HNRNPD: variants seen among roughly 807,000 people sequenced by gnomAD.
HNRNPD encodes heterogeneous nuclear ribonucleoprotein D, also known as heterogeneous nuclear ribonucleoprotein D0.
A neutral mutation model predicts 47.9 loss-of-function variants in HNRNPD; 3 were observed. The observed-to-expected ratio is 0.06, with a 90% confidence interval of 0.03 to 0.16. HNRNPD has a LOEUF of 0.16. HNRNPD is among the 10% of genes least tolerant of loss of function. The pLI is 1.00. For missense variants in HNRNPD, 287 were observed against 454.2 expected, an observed-to-expected ratio of 0.63 and a Z score of 3.35; for synonymous variants, 171 against 165.1, an observed-to-expected ratio of 1.04 and a Z score of -0.28.
Position 82,353,966 on chromosome 4 carries a change from A to G in HNRNPD, c.*219T>C, listed in dbSNP as rs1004927546. 1.3e-5 allele frequency: 2 copies of G among 152,826 alleles called. No individual in the cohort carries two copies. Among genetic ancestry groups the G allele is most frequent in the African/African-American group, 4.8e-5 (2 of 41,596 alleles). 9.5% of individuals were successfully genotyped at this position (152,826 alleles called of 1,614,324 possible). A position where few individuals can be genotyped will look rare whatever the true frequency, so the allele number is the denominator to read the frequency against. ...AAAACACAAATTGATTCTGAAGCAT[A>G]GCAATTAAGAAATAAAACAATGAAA... On this transcript the variant is annotated 3_prime_UTR_variant, in exon 9 of 9. Transcript: ENST00000313899.
chr4:82,358,325 C>T (rs1408023705), intron 4 of HNRNPD: 2 of 213,798 alleles, frequency 9.4e-6, no homozygotes, highest in African/African-American at 4.7e-5. Flanking sequence ...AGGCACTACA[C>T]CCTATTCTTA....
rs765323351 is a variant in HNRNPD at position 82,357,368 on chromosome 4, T to A, written c.698A>T (p.Glu233Val). The change falls in exon 5 of 9, where the codon GAA (glutamate) becomes GTA (valine). Residue 233 changes from glutamate (E) to valine (V), a missense_variant. Transcript: ENST00000313899. Reference protein sequence around the residue: ...RGFCFITFKEEEPVKKIMEKK... With the variant: ...RGFCFITFKEVEPVKKIMEKK... ...TTCCATTATCTTCTTCACTGGTTCTTCTTCCTTAAAGGTAATAAAGCAGAA... is the reference window on the plus strand; with the variant it reads ...TTCCATTATCTTCTTCACTGGTTCTACTTCCTTAAAGGTAATAAAGCAGAA... The A allele has an allele frequency of 6.2e-7, 1 of 1,613,508 alleles. No individual in the cohort carries two copies. Among genetic ancestry groups the A allele is most frequent in the Non-Finnish European group, 8.5e-7 (1 of 1,179,650 alleles).
chr4:82,369,985 A>C (rs368945203), intron 2 of HNRNPD, among the ~76,000 whole-genome samples: 4 of 152,188 alleles, frequency 2.6e-5, no homozygotes, highest in African/African-American at 9.7e-5. Flanking sequence ...TCTACTAAAA[A>C]TACAAAATTA....
chr4:82,355,231 T>C (rs962209797), intron 8 of HNRNPD, 73 bp downstream of exon 8: 2 of 824,882 alleles, frequency 2.4e-6, no homozygotes, highest in Admixed American at 4.8e-5. Context: ...AAATTAAGCA[T>C]TGTTTTATGA....
chr4:82,356,355 T>C (rs1723711826), intron 7 of HNRNPD, 182 bp downstream of exon 7: 2 of 576,464 alleles, frequency 3.5e-6, no homozygotes, highest in South Asian at 2.3e-5. Context: ...CCTACCCTTA[T>C]AATGTGTGTG....
intron 2 of HNRNPD, among the ~76,000 whole-genome samples, chr4:82,367,639 G>A (rs1042321256): frequency 7.2e-5 from 11 of 152,138 alleles, no homozygotes; most frequent in Admixed American, 1.3e-4. Context: ...TAGATAAGCA[G>A]GAGTTTACAG....
At chr4:82,365,723 A>AGCTCCTGGGTAGCTGAGACTATGGGT (rs1719717818) in intron 2 of HNRNPD, among the ~76,000 whole-genome samples, 1 of 151,226 alleles carries the variant, frequency 6.6e-6, no homozygotes, top group Non-Finnish European at 1.5e-5. Context: ...TCCCATCTCA[A>AGCTCCTGGGTAGCTGAGACTATGGGT]GCTCCTGGGT....
intron 2 of HNRNPD, among the ~76,000 whole-genome samples, chr4:82,363,048 G>A (rs201805933): frequency 0.01 from 1,511 of 145,506 alleles, 9 homozygotes; most frequent in Middle Eastern, 0.017. Context: ...GTGTGTGTGT[G>A]TATATATATA....
chr4:82,355,465 C>T (rs368554462), intron 7 of HNRNPD, 64 bp from the exon 8 acceptor site: 48 of 1,164,386 alleles, frequency 4.1e-5, no homozygotes, highest in Non-Finnish European at 6.0e-5. Context: ...CAGAACAGTA[C>T]CTAATTTTAA....
At chr4:82,354,580 A>G (rs1157664617) in intron 8 of HNRNPD, 1 of 152,684 alleles carries the variant, frequency 6.5e-6, no homozygotes, top group Non-Finnish European at 1.5e-5. Context: ...GGAAGTTGTC[A>G]CAACAGGAAT....
chr4:82,371,625 T>C, intron 1 of HNRNPD, 41 bp from the exon 2 acceptor site: 3 of 1,554,050 alleles, frequency 1.9e-6, no homozygotes, highest in East Asian at 2.3e-5. Context: ...ATCAAAATTC[T>C]AGTTTTAGTT....
intron 2 of HNRNPD, among the ~76,000 whole-genome samples, chr4:82,363,419 T>C (rs1351169125): frequency 6.6e-6 from 1 of 152,214 alleles, no homozygotes; most frequent in Non-Finnish European, 1.5e-5. Context: ...AAAGCACATG[T>C]ACTGTCTGTC....
At position 82,370,373 on chromosome 4, in the gene HNRNPD, A is replaced by C. The variant is rs962470413; in HGVS notation, c.290+1155T>G. On this transcript the variant is annotated intron_variant, in intron 2 of 8. Transcript: ENST00000313899. ...TGGTCATTTCAAATCACTGGAAACAATTACATGAGACTCAAAATACATAAT... is the reference window on the plus strand; with the variant it reads ...TGGTCATTTCAAATCACTGGAAACACTTACATGAGACTCAAAATACATAAT... Among the ~76,000 whole-genome samples, 4 of 152,342 alleles carry C rather than the reference A, an allele frequency of 2.6e-5. No individual in the cohort carries two copies. In the East Asian group the frequency reaches 7.7e-4, roughly 29 times the overall value.
rs1723549106 is a variant in HNRNPD, at chr4:82,352,764, A to G, written c.*1421T>C. The G allele has an allele frequency of 6.6e-6, 1 of 150,702 alleles. No individual in the cohort carries two copies. 9.3% of individuals were successfully genotyped at this position (150,702 alleles called of 1,614,324 possible). A position where few individuals can be genotyped will look rare whatever the true frequency, so the allele number is the denominator to read the frequency against. ...AGCTGGGTTGCAATCTTATAAAAAC[A>G]GGACACAGGTCCTCAATTTGGATCT... On this transcript the variant is annotated 3_prime_UTR_variant, in exon 9 of 9. Coordinates refer to ENST00000313899, the MANE Select transcript of HNRNPD (RefSeq NM_031370.3).
chr4:82,370,981 T>TACATACACAC (rs1553896642), intron 2 of HNRNPD, among the ~76,000 whole-genome samples: 3 of 149,354 alleles, frequency 2.0e-5, no homozygotes, highest in Non-Finnish European at 3.0e-5. Flanking sequence ...GGTATATATA[T>TACATACACAC]ACACACACAC....
In HNRNPD at chr4:82,353,390, C is replaced by G. The variant is rs1329912535; in HGVS notation, c.*795G>C. The G allele has an allele frequency of 1.3e-5, 2 of 152,214 alleles. No homozygotes were observed. The highest frequency in any genetic ancestry group is 1.3e-4 in the Admixed American group (2 of 15,282). The allele number at this position is 152,214 out of a possible 1,614,324, so 9.4% of individuals were successfully genotyped here. On this transcript the variant is annotated 3_prime_UTR_variant, in exon 9 of 9. Transcript: ENST00000313899. ...TTGAATTCATCTATGAAGTCCACCA[C>G]AGCTCTAAAAATCTCTCTGAACTAG...
chr4:82,373,452 T>C lies in HNRNPD; in HGVS notation c.227A>G (p.Asp76Gly). ...AKIDASKNEE[D>G]EGHSNSSPRH... ...TGGGATGCCCCTTACTCACCCTTCA[T>C]CCTCCTCGTTCTTACTGGCGTCAAT... is the stretch of plus-strand genomic sequence containing the variant. Residue 76 changes from aspartate to glycine, a missense_variant, in exon 1 of 9, where the codon GAT (aspartate) becomes GGT (glycine). Around this residue, in one of 5 missense-constraint regions of HNRNPD, gnomAD observed 161 missense variants for 137.1 expected, o/e 1.17. Coordinates refer to ENST00000313899, the MANE Select transcript of HNRNPD (RefSeq NM_031370.3). 1 of 1,572,884 alleles carries C rather than the reference T, an allele frequency of 6.4e-7. No homozygotes were observed.
At chr4:82,368,358 A>G (rs991741179) in intron 2 of HNRNPD, among the ~76,000 whole-genome samples, 21 of 152,166 alleles carry the variant, frequency 1.4e-4, no homozygotes, top group African/African-American at 4.6e-4. Context: ...TACCCAGGAA[A>G]TATTAAAAAC....
In HNRNPD at chr4:82,371,602, G is replaced by A. The variant is rs1339888157; in HGVS notation, c.234-18C>T. ...TTGAATGGCTAGGGAATTAACAACC[G>A]GTACAGCAACCAATCAAAATTCTAG... is the stretch of plus-strand genomic sequence containing the variant. On this transcript the variant is annotated intron_variant, in intron 1 of 8. Transcript: ENST00000313899. 3 of 1,607,744 alleles carry A rather than the reference G, an allele frequency of 1.9e-6. No individual in the cohort carries two copies. The highest frequency in any genetic ancestry group is 1.7e-5 in the Admixed American group (1 of 59,882).
Sources: gnomAD v4.1 joint callset for allele counts (sites outside exome capture counted in the v4.1 genomes callset) on GRCh38, gnomAD v4.1.1 for gene constraint, gnomAD v4.1.1 regional missense constraint, MANE v1.5 for transcripts, NCBI Gene and HGNC (gene_info 2026-07-23, HGNC 2026-07-21) for gene names.